ADAM15: variants seen among roughly 807,000 people sequenced by gnomAD.
ADAM15 encodes disintegrin and metalloproteinase domain-containing protein 15.
In ADAM15, 77 loss-of-function variants were observed where a neutral mutation model predicts 113.8. That is an observed-to-expected ratio of 0.68 (90% CI 0.56 to 0.82). The LOEUF is 0.82. Ranked by LOEUF, ADAM15 falls within the 40% of genes least tolerant of loss-of-function variation. The pLI is 0.00. For missense variants in ADAM15, 963 were observed against 1,120.1 expected (o/e 0.86, Z 2.00); for synonymous variants, 388 against 454.1 (o/e 0.85, Z 1.85).
rs368281675 is a variant in ADAM15 at position 155,057,734 on chromosome 1, G to A, written c.1416+5G>A. On this transcript the variant is annotated splice_donor_5th_base_variant and intron_variant, in intron 13 of 22. Transcript: ENST00000356955. The surrounding 1 kb of genome is among the most constrained non-coding windows in gnomAD (Gnocchi z 5.0). The stretch of plus-strand genomic sequence containing the variant: ...CCCTGTTGTCAAAATTGCCAGGTGG[G>A]TAGAGACTAGACTGGCCACCCGGAG... 2 of 1,614,218 alleles carry A rather than the reference G, an allele frequency of 1.2e-6. No homozygotes were observed.
intron 6 of ADAM15, chr1:155,055,584 G>A: frequency 1.7e-6 from 1 of 593,656 alleles, no homozygotes; most frequent in Admixed American, 3.0e-5. Flanking sequence ...AGAAAAGCAG[G>A]GGTCTACTCC....
In ADAM15 at chr1:155,053,891, C is replaced by G. The variant is rs772730744; in HGVS notation, c.264-19C>G. ...TGGGAAGTGGCTTTAGCACTGCCTT[C>G]TTTTTCTTCACTCCACAGGGAGTTG... On this transcript the variant is annotated intron_variant, in intron 3 of 22. Transcript: ENST00000356955. 1.2e-6 allele frequency: 2 copies of G among 1,613,092 alleles called. No individual in the cohort carries two copies. The highest frequency in any genetic ancestry group is 1.7e-6 in the Non-Finnish European group (2 of 1,179,388).
chr1:155,061,850 A>G (rs1662669307), intron 20 of ADAM15, 54 bp from the exon 21 acceptor site: 1 of 1,472,776 alleles, frequency 6.8e-7, no homozygotes, highest in Non-Finnish European at 9.1e-7. Context: ...ATCTCTGTGC[A>G]TGTCCACAGC....
intron 20 of ADAM15, 102 bp from the exon 21 acceptor site, chr1:155,061,801 CT>C: frequency 7.8e-7 from 1 of 1,278,152 alleles, no homozygotes; most frequent in Non-Finnish European, 1.1e-6. Flanking sequence ...CTCCTGCCCC[CT>C]GGCTGACTTT....
chr1:155,061,725 C>T (rs1331011219), intron 20 of ADAM15, 179 bp from the exon 21 acceptor site: 1 of 827,014 alleles, frequency 1.2e-6, no homozygotes, highest in African/African-American at 1.7e-5. Context: ...TGCGGTTGAC[C>T]TACACCTTCC....
Position 155,057,027 on chromosome 1 carries a change from T to C in ADAM15, c.1074T>C (p.His358=). The change falls in exon 11 of 23, where the codon CAT becomes CAC. Residue 358 remains histidine (H), a synonymous_variant. Coordinates refer to ENST00000356955, the MANE Select transcript of ADAM15 (RefSeq NM_207197.3). This position sits in a 1 kb window ranked among gnomAD's most constrained non-coding sequence, Gnocchi z 5.0. ...TGGGCCACAGCCTGGGCCTGGACCA[T>C]GATTTGCCTGGGAATAGCTGCCCCT... ...HELGHSLGLD[H]DLPGNSCPCP... The C allele has an allele frequency of 1.2e-6, 2 of 1,607,604 alleles. No homozygotes were observed. Among genetic ancestry groups the C allele is most frequent in the South Asian group, 1.1e-5 (1 of 90,372 alleles).
chr1:155,060,083 A>C (rs991617317), intron 17 of ADAM15, 109 bp downstream of exon 17: 2 of 1,569,436 alleles, frequency 1.3e-6, no homozygotes, highest in African/African-American at 1.4e-5. Flanking sequence ...TGGTTCCCTG[A>C]GTCTGTGCCC....
Position 155,057,483 on chromosome 1 carries a change from T to C in ADAM15, c.1323+121T>C. ...AGGGACTTTCCACCCCTCTCCTACTTGCCCTGTCTGTGGGGACAGCACATG... is the reference window on the plus strand; with the variant it reads ...AGGGACTTTCCACCCCTCTCCTACTCGCCCTGTCTGTGGGGACAGCACATG... On this transcript the variant is annotated intron_variant, in intron 12 of 22. Coordinates refer to ENST00000356955, the MANE Select transcript of ADAM15 (RefSeq NM_207197.3). This position sits in a 1 kb window ranked among gnomAD's most constrained non-coding sequence, Gnocchi z 5.0. 6.7e-7 allele frequency: 1 copy of C among 1,495,046 alleles called. No individual in the cohort carries two copies. Among genetic ancestry groups the C allele is most frequent in the Non-Finnish European group, 9.2e-7 (1 of 1,092,846 alleles). The allele number at this position is 1,495,046 out of a possible 1,614,324, so 92.6% of individuals were successfully genotyped here.
At position 155,056,236 on chromosome 1, in the gene ADAM15, G is replaced by A; in HGVS notation, c.901G>A (p.Ala301Thr). 6.2e-7 allele frequency: 1 copy of A among 1,613,880 alleles called. No individual in the cohort carries two copies. Among genetic ancestry groups the A allele is most frequent in the Non-Finnish European group, 8.5e-7 (1 of 1,180,018 alleles). ...GCTGCCTCGATTGCCCCATGACAGT[G>A]CCCAGCTGGTGACGTAAGGGCCCCA... The part of the protein sequence containing the change: ...HLLPRLPHDS[A>T]QLVTGTSFSG... Residue 301 changes from alanine (A) to threonine (T), a missense_variant, in exon 9 of 23, where the codon GCC becomes ACC. Coordinates refer to ENST00000356955, the MANE Select transcript of ADAM15 (RefSeq NM_207197.3). The surrounding 1 kb of genome is among the most constrained non-coding windows in gnomAD (Gnocchi z 4.0).
Position 155,062,005 on chromosome 1 carries a change from C to A in ADAM15, c.2424+30C>A. On this transcript the variant is annotated intron_variant, in intron 21 of 22. Coordinates refer to ENST00000356955, the MANE Select transcript of ADAM15 (RefSeq NM_207197.3). The surrounding 1 kb of genome is among the most constrained non-coding windows in gnomAD (Gnocchi z 7.0). The stretch of plus-strand genomic sequence containing the variant: ...CGGTGGGGGGAGAGAAGGGCACGGC[C>A]TCTCCCCCCACCTAGGGCTGTGGTG... The A allele has an allele frequency of 6.6e-7, 1 of 1,526,576 alleles. No homozygotes were observed. The highest frequency in any genetic ancestry group is 1.3e-5 in the South Asian group (1 of 78,576). 94.6% of individuals were successfully genotyped at this position (1,526,576 alleles called of 1,614,324 possible).
At position 155,058,682 on chromosome 1, in the gene ADAM15, G is replaced by T; in HGVS notation, c.1918-28G>T. The T allele has an allele frequency of 5.6e-6, 9 of 1,607,468 alleles. No individual in the cohort carries two copies. The highest frequency in any genetic ancestry group is 7.6e-6 in the Non-Finnish European group (9 of 1,176,776). On this transcript the variant is annotated intron_variant, in intron 15 of 22. Transcript: ENST00000356955. The surrounding 1 kb of genome is among the most constrained non-coding windows in gnomAD (Gnocchi z 4.3). ...TCCCATTAAAGCTTTGTGGGAATCT[G>T]ATCCAGGCTCTTCTCTCCCTGGGTC... is the stretch of plus-strand genomic sequence containing the variant.
At chr1:155,055,875 A>G in intron 7 of ADAM15, 23 bp downstream of exon 7, 2 of 1,614,120 alleles carry the variant, frequency 1.2e-6, no homozygotes, top group Non-Finnish European at 1.7e-6. Context: ...GCCCCTGCAC[A>G]TCCTCCTCCC....
rs1558124687 is a variant in ADAM15, at chr1:155,056,210, T to G, written c.875T>G (p.Leu292Trp). The G allele has an allele frequency of 6.2e-7, 1 of 1,614,056 alleles. No individual in the cohort carries two copies. The highest frequency in any genetic ancestry group is 8.5e-7 in the Non-Finnish European group (1 of 1,180,026). ...TTCCTCCACTGGCGCAGGGCACATT[T>G]GCTGCCTCGATTGCCCCATGACAGT... ...ENFLHWRRAHLLPRLPHDSAQ... is the reference protein window; with the variant it reads ...ENFLHWRRAHWLPRLPHDSAQ... The change falls in exon 9 of 23, where the codon TTG becomes TGG. Residue 292 changes from leucine (L) to tryptophan (W), a missense_variant. By Grantham distance (61) the Leu-to-Trp change is moderately conservative (BLOSUM62 -2). Coordinates refer to ENST00000356955, the MANE Select transcript of ADAM15 (RefSeq NM_207197.3). The surrounding 1 kb of genome is among the most constrained non-coding windows in gnomAD (Gnocchi z 4.0).
rs757397536 is a variant in ADAM15, at chr1:155,058,734, C to T, written c.1942C>T (p.Arg648Cys). Residue 648 changes from arginine (R) to cysteine (C), a missense_variant, in exon 16 of 23, where the codon CGT becomes TGT. By Grantham distance (180) the Arg-to-Cys change is radical. Transcript: ENST00000356955. This position sits in a 1 kb window ranked among gnomAD's most constrained non-coding sequence, Gnocchi z 4.3. ...GLVCIDHRCQ[R>C]VDLLGAQECR... ...GGTGTGTATAGACCATCGATGCCAG[C>T]GTGTGGATCTCCTGGGGGCACAGGA... 3.1e-5 allele frequency: 50 copies of T among 1,613,624 alleles called. No individual in the cohort carries two copies. The highest frequency in any genetic ancestry group is 5.0e-5 in the Admixed American group (3 of 59,956).
chr1:155,057,008 A>G lies in ADAM15; in HGVS notation c.1055A>G (p.His352Arg). 1 of 1,606,334 alleles carries G rather than the reference A, an allele frequency of 6.2e-7. No homozygotes were observed. The highest frequency in any genetic ancestry group is 8.5e-7 in the Non-Finnish European group (1 of 1,175,750). The change falls in exon 11 of 23, where the codon CAC (histidine) becomes CGC (arginine). Residue 352 changes from histidine to arginine, a missense_variant. His to Arg is a conservative substitution (Grantham distance 29, BLOSUM62 0). Transcript: ENST00000356955. The surrounding 1 kb of genome is among the most constrained non-coding windows in gnomAD (Gnocchi z 5.0). ...VASSIAHELG[H>R]SLGLDHDLPG... ...TCCTCCATAGCCCATGAGTTGGGCCACAGCCTGGGCCTGGACCATGATTTG... is the reference window on the plus strand; with the variant it reads ...TCCTCCATAGCCCATGAGTTGGGCCGCAGCCTGGGCCTGGACCATGATTTG...
In ADAM15 at chr1:155,054,378, G is replaced by C. The variant is rs116783963; in HGVS notation, c.484G>C (p.Gly162Arg). ...TLEQGPGDLQGPPIISRIQDL... is the reference protein window; with the variant it reads ...TLEQGPGDLQRPPIISRIQDL... ...GGAGCAGGGGCCTGGGGACCTTCAG[G>C]GTCCTCCCATTATTTCGCGAATCCA... is the stretch of plus-strand genomic sequence containing the variant. Residue 162 changes from glycine (G) to arginine (R), a missense_variant, in exon 6 of 23, where the codon GGT becomes CGT. By Grantham distance (125) the Gly-to-Arg change is moderately radical (BLOSUM62 -2). Transcript: ENST00000356955. 1,058 of 1,613,614 alleles carry C rather than the reference G, an allele frequency of 6.6e-4. 16 individuals are homozygous for C. The East Asian group carries it at 0.013, about 20-fold the overall frequency.
In ADAM15 at chr1:155,056,403, G is replaced by T; in HGVS notation, c.932G>T (p.Gly311Val). 1 of 1,614,080 alleles carries T rather than the reference G, an allele frequency of 6.2e-7. No homozygotes were observed. The highest frequency in any genetic ancestry group is 8.5e-7 in the Non-Finnish European group (1 of 1,180,024). ...TCCCACAGTGGTACTTCATTCTCTG[G>T]GCCTACGGTGGGCATGGCCATTCAG... Reference protein sequence around the residue: ...AQLVTGTSFSGPTVGMAIQNS... With the variant: ...AQLVTGTSFSVPTVGMAIQNS... Residue 311 changes from glycine to valine, a missense_variant, in exon 10 of 23, where the codon GGG becomes GTG. By Grantham distance (109) the Gly-to-Val change is moderately radical. Transcript: ENST00000356955. The surrounding 1 kb of genome is among the most constrained non-coding windows in gnomAD (Gnocchi z 4.0).
intron 6 of ADAM15, 89 bp from the exon 7 acceptor site, chr1:155,055,701 G>A: frequency 7.1e-7 from 1 of 1,412,778 alleles, no homozygotes; most frequent in Non-Finnish European, 1.0e-6. Flanking sequence ...TTGACCCACA[G>A]AGTAGGAGTG....
Position 155,058,359 on chromosome 1 carries a change from G to A in ADAM15, c.1835G>A (p.Cys612Tyr). 6.2e-7 allele frequency: 1 copy of A among 1,614,012 alleles called. No individual in the cohort carries two copies. Among genetic ancestry groups the A allele is most frequent in the Non-Finnish European group, 8.5e-7 (1 of 1,180,028 alleles). The change falls in exon 15 of 23, where the codon TGC becomes TAC. Residue 612 changes from cysteine (C) to tyrosine (Y), a missense_variant. Cys to Tyr is a radical substitution (Grantham distance 194). Transcript: ENST00000356955. The surrounding 1 kb of genome is among the most constrained non-coding windows in gnomAD (Gnocchi z 4.3). The stretch of plus-strand genomic sequence containing the variant: ...GATGTGAATGGGACTGAGCTGAACT[G>A]CAGCTGGGTGCACCTGGACCTGGGC... ...TIDVNGTELN[C>Y]SWVHLDLGSD... is the part of the protein sequence containing the mutation.
Sources: allele counts gnomAD v4.1 joint callset, GRCh38; gene constraint gnomAD v4.1.1; non-coding constraint Gnocchi (gnomAD v3.1); transcripts MANE v1.5; gene names NCBI Gene and HGNC (gene_info 2026-07-23, HGNC 2026-07-21).